The following TAT variants were observed in gnomAD, a reference collection of about 807,000 sequenced individuals.
TAT encodes the protein L-tyrosine:2-oxoglutarate aminotransferase.
Under a neutral mutation model 53.6 loss-of-function variants are expected in TAT, and 35 were observed. The observed-to-expected ratio is 0.65, with a 90% CI of 0.50 to 0.87. TAT has a LOEUF of 0.87. Among genes scored for constraint, TAT ranks in the 40% least tolerant of loss-of-function variants. The pLI is 0.00. For missense variants in TAT, 525 were observed against 571.8 expected, an observed-to-expected ratio of 0.92 and a Z score of 0.83; for synonymous variants, 197 against 206.5, an observed-to-expected ratio of 0.95 and a Z score of 0.39.
At chr16:71,572,367 T>C (rs191498295) in intron 5 of TAT, 43 bp from the exon 6 acceptor site, 2 of 1,613,472 alleles carry the variant, frequency 1.2e-6, no homozygotes, top group African/African-American at 2.7e-5. Flanking sequence ...TTCTGAAACA[T>C]TTAGGGGGAA....
Position 71,575,553 on chromosome 16 carries a change from A to G in TAT, c.340+369T>C, listed in dbSNP as rs555276223. On this transcript the variant is annotated intron_variant, in intron 3 of 11. Transcript: ENST00000355962. ...GAAATGAAGCAAAGGAGCTATATAC[A>G]CAGAGCAATAAGTAAATCCATTTAG... 464 of 354,254 alleles carry G rather than the reference A, an allele frequency of 1.3e-3. 3 individuals are homozygous for G. Among genetic ancestry groups the G allele is most frequent in the Non-Finnish European group, 2.2e-3 (400 of 184,608 alleles). The allele number at this position is 354,254 out of a possible 1,614,324, so 21.9% of individuals were successfully genotyped here.
At chr16:71,575,216 T>C (rs2044227281) in intron 3 of TAT, 1 of 152,274 alleles carries the variant, frequency 6.6e-6, no homozygotes, top group African/African-American at 2.4e-5. Context: ...ACTGGGGTTT[T>C]ATTCTGCATT....
At chr16:71,572,476 T>C in intron 5 of TAT, 54 bp downstream of exon 5, 2 of 1,612,500 alleles carry the variant, frequency 1.2e-6, no homozygotes, top group Non-Finnish European at 1.7e-6. Context: ...TGTTCATATA[T>C]TTTTTACAGG....
chr16:71,566,295 G>T lies in TAT; in HGVS notation c.*1849C>A, dbSNP rs2044162318. ...ACATTAATTGGGTGTGACTGGCAGG[G>T]TTGAGACCTGAAGTTCCTCTTTTAG... is the stretch of plus-strand genomic sequence containing the variant. On this transcript the variant is annotated 3_prime_UTR_variant, in exon 12 of 12. Transcript: ENST00000355962. 6.6e-6 allele frequency: 1 copy of T among 152,096 alleles called. No individual in the cohort carries two copies. The highest frequency in any genetic ancestry group is 2.1e-4 in the South Asian group (1 of 4,830). 9.4% of individuals were successfully genotyped at this position (152,096 alleles called of 1,614,324 possible).
intron 6 of TAT, 131 bp from the exon 7 acceptor site, chr16:71,571,789 C>T (rs1484110621): frequency 1.1e-6 from 1 of 937,150 alleles, no homozygotes; most frequent in African/African-American, 1.6e-5. Flanking sequence ...AGACAAAAAG[C>T]ACAAGCAAAG....
chr16:71,570,916 T>C, intron 7 of TAT, 85 bp from the exon 8 acceptor site: 1 of 1,510,960 alleles, frequency 6.6e-7, no homozygotes, highest in Non-Finnish European at 9.0e-7. Flanking sequence ...CATTTCCTTC[T>C]ATCACTAGGG....
At chr16:71,570,615 C>T in intron 8 of TAT, 64 bp downstream of exon 8, 2 of 1,609,916 alleles carry the variant, frequency 1.2e-6, no homozygotes, top group Non-Finnish European at 1.7e-6. Flanking sequence ...CTCCCTTGTC[C>T]CCACTGTGCT....
At position 71,568,066 on chromosome 16, in the gene TAT, C is replaced by T. The variant is rs546316374; in HGVS notation, c.*78G>A. On this transcript the variant is annotated 3_prime_UTR_variant, in exon 12 of 12. Transcript: ENST00000355962. The stretch of plus-strand genomic sequence containing the variant: ...TGAGGCCCCTCTCCCAGTAGGGCCA[C>T]CTGAGTCCCTGAGGAGCCGCAAGGC... 1.3e-6 allele frequency: 2 copies of T among 1,591,334 alleles called. No individual in the cohort carries two copies. The highest frequency in any genetic ancestry group is 1.3e-5 in the African/African-American group (1 of 74,564).
Position 71,572,314 on chromosome 16 carries a change from G to T in TAT, c.578C>A (p.Ser193Tyr), listed in dbSNP as rs142154262. Residue 193 changes from serine to tyrosine, a missense_variant, in exon 6 of 12, where the codon TCT becomes TAT. By Grantham distance (144) the Ser-to-Tyr change is moderately radical. Transcript: ENST00000355962. ...VKLYNLLPEK[S>Y]WEIDLKQLEY... is the part of the protein sequence containing the mutation. ...CAGTTGTTTCAGGTCAATTTCCCAA[G>T]ATTTCTCTGGCTGGAGAGAAAGAAA... 4 of 1,614,076 alleles carry T rather than the reference G, an allele frequency of 2.5e-6. No homozygotes were observed. In the African/African-American group the frequency reaches 5.3e-5, roughly 22 times the overall value.
rs1189854299 is a variant in TAT, at chr16:71,570,255, G to A, written c.1041+14C>T. The A allele has an allele frequency of 6.8e-6, 11 of 1,614,032 alleles. No homozygotes were observed. The highest frequency in any genetic ancestry group is 9.3e-6 in the Non-Finnish European group (11 of 1,180,030). The stretch of plus-strand genomic sequence containing the variant: ...TCCCAAACTCCCAAAGTGGAGGGCA[G>A]GAGCTGCCCTTACCTTGAGGAAGCT... On this transcript the variant is annotated intron_variant, in intron 9 of 11. Coordinates refer to ENST00000355962, the MANE Select transcript of TAT (RefSeq NM_000353.3).
intron 8 of TAT, 88 bp downstream of exon 8, chr16:71,570,591 G>T (rs891357094): frequency 1.9e-6 from 3 of 1,596,262 alleles, no homozygotes; most frequent in Non-Finnish European, 2.6e-6. Flanking sequence ...CAAGGAGAAA[G>T]AAAAGAAAAA....
chr16:71,570,977 T>C (rs966185161), intron 7 of TAT, 146 bp from the exon 8 acceptor site: 4 of 1,038,952 alleles, frequency 3.9e-6, no homozygotes, highest in African/African-American at 1.6e-5. Flanking sequence ...ATGACTGGGA[T>C]TGCAAGAGGC....
intron 10 of TAT, among the ~76,000 whole-genome samples, chr16:71,569,494 G>T (rs1013050972): frequency 6.6e-6 from 1 of 151,962 alleles, no homozygotes; most frequent in African/African-American, 2.4e-5. Context: ...GTGCCACCAC[G>T]CCCAGCTCAT....
rs1287234882 is a variant in TAT, at chr16:71,567,442, A to G, written c.*702T>C. On this transcript the variant is annotated 3_prime_UTR_variant, in exon 12 of 12. Coordinates refer to ENST00000355962, the MANE Select transcript of TAT (RefSeq NM_000353.3). ...GAAAGAAAGAAACAAAGAAAAGAAA[A>G]GCTTATATTGAACTTCTCTAAAAAA... is the stretch of plus-strand genomic sequence containing the variant. The G allele has an allele frequency of 6.6e-6, 1 of 152,024 alleles. No homozygotes were observed. The highest frequency in any genetic ancestry group is 1.5e-5 in the Non-Finnish European group (1 of 68,036). 9.4% of individuals were successfully genotyped at this position (152,024 alleles called of 1,614,324 possible).
chr16:71,576,144 G>C (rs2044233484), intron 2 of TAT, 37 bp downstream of exon 2: 2 of 1,610,238 alleles, frequency 1.2e-6, no homozygotes, highest in African/African-American at 2.7e-5. Flanking sequence ...GAGTAGAGGA[G>C]GACAATGACA....
Position 71,567,881 on chromosome 16 carries a change from G to A in TAT, c.*263C>T. The A allele has an allele frequency of 2.1e-6, 1 of 476,554 alleles. No homozygotes were observed. The highest frequency in any genetic ancestry group is 3.8e-6 in the Non-Finnish European group (1 of 262,142). The allele number at this position is 476,554 out of a possible 1,614,324, so 29.5% of individuals were successfully genotyped here. ...CCTGGTACTTTCAAGAAAAAAAGAA[G>A]GAAATCTTACGAGAGGGAGGCAGAT... is the stretch of plus-strand genomic sequence containing the variant. On this transcript the variant is annotated 3_prime_UTR_variant, in exon 12 of 12. Transcript: ENST00000355962.
rs1937671178 is a variant in TAT, at chr16:71,566,363, T to C, written c.*1781A>G. ...TGGTGAGAAATCTCTAGACTAGTTA[T>C]GATAGATTCCTAACCCCCAACCTTG... On this transcript the variant is annotated 3_prime_UTR_variant, in exon 12 of 12. Transcript: ENST00000355962. The C allele has an allele frequency of 2.0e-5, 3 of 151,010 alleles. No homozygotes were observed. The highest frequency in any genetic ancestry group is 2.1e-4 in the South Asian group (1 of 4,816). The allele number at this position is 151,010 out of a possible 1,614,324, so 9.4% of individuals were successfully genotyped here. A position where few individuals can be genotyped will look rare whatever the true frequency, so the allele number is the denominator to read the frequency against.
At chr16:71,573,847 T>A (rs2044219577) in intron 3 of TAT, among the ~76,000 whole-genome samples, 1 of 151,464 alleles carries the variant, frequency 6.6e-6, no homozygotes, top group African/African-American at 2.4e-5. Flanking sequence ...TGTTTTGTTT[T>A]TGTTTGTTTT....
chr16:71,575,201 A>T (rs2044227177), intron 3 of TAT: 1 of 152,268 alleles, frequency 6.6e-6, no homozygotes, highest in African/African-American at 2.4e-5. Context: ...TGATTTTATC[A>T]TGAAACTGGG....
Sources: gnomAD v4.1 joint callset for allele counts (sites outside exome capture counted in the v4.1 genomes callset) on GRCh38, gnomAD v4.1.1 for gene constraint, MANE v1.5 for transcripts, NCBI Gene and HGNC (gene_info 2026-07-23, HGNC 2026-07-21) for gene names.